The following SPINT1 variants were observed in gnomAD, a reference collection of about 807,000 sequenced individuals.
The protein encoded by SPINT1 is kunitz-type protease inhibitor 1.
A neutral mutation model predicts 53.7 loss-of-function variants in SPINT1; 38 were observed. That is an observed-to-expected ratio of 0.71 (90% CI 0.55 to 0.93). The LOEUF (loss-of-function observed/expected upper bound fraction) is 0.93. Among genes scored for constraint, SPINT1 ranks in the 40% least tolerant of loss-of-function variants. The pLI, the probability that SPINT1 is intolerant of heterozygous loss-of-function variation, is 0.00. For synonymous variants in SPINT1, 283 were observed against 280.6 expected, an observed-to-expected ratio of 1.01 and a Z score of -0.08; for missense variants, 645 against 692.9, an observed-to-expected ratio of 0.93 and a Z score of 0.78.
intron 3 of SPINT1, 29 bp from the exon 4 acceptor site, chr15:40,853,460 C>T (rs749322836): frequency 6.2e-7 from 1 of 1,613,972 alleles, no homozygotes; most frequent in Non-Finnish European, 8.5e-7. Flanking sequence ...CAGGGGGTGC[C>T]CAAGCCTGAT....
chr15:40,854,558 A>T, intron 7 of SPINT1, 36 bp downstream of exon 7: 2 of 1,613,648 alleles, frequency 1.2e-6, no homozygotes, highest in Non-Finnish European at 1.7e-6. Flanking sequence ...TGGGCAGCAG[A>T]CAGGGAGGTC....
intron 10 of SPINT1, among the ~76,000 whole-genome samples, chr15:40,856,540 C>T (rs1891647204): frequency 1.3e-5 from 2 of 152,134 alleles, no homozygotes; most frequent in African/African-American, 4.8e-5. Context: ...CAGGCTTCCC[C>T]CAAGTTAACT....
chr15:40,856,118 T>A, intron 9 of SPINT1, 56 bp downstream of exon 9: 1 of 1,603,620 alleles, frequency 6.2e-7, no homozygotes, highest in Non-Finnish European at 8.5e-7. Context: ...GCCAGTGGCC[T>A]CCACTCTGTC....
chr15:40,855,833 G>A, intron 8 of SPINT1, 59 bp from the exon 9 acceptor site: 1 of 1,559,868 alleles, frequency 6.4e-7, no homozygotes, highest in African/African-American at 1.3e-5. Context: ...GTGGAGCCTA[G>A]CAGAAGGTGG....
chr15:40,846,254 G>T (rs983370696), intron 2 of SPINT1, among the ~76,000 whole-genome samples: 9 of 152,214 alleles, frequency 5.9e-5, no homozygotes, highest in Admixed American at 3.9e-4. Flanking sequence ...ATCAGGGCCA[G>T]TCCAGAGCCT....
rs113483685 is a variant in SPINT1 at position 40,856,779 on chromosome 15, A to C, written c.1346A>C (p.Glu449Ala). 6.2e-7 allele frequency: 1 copy of C among 1,614,110 alleles called. No individual in the cohort carries two copies. Among genetic ancestry groups the C allele is most frequent in the African/African-American group, 1.3e-5 (1 of 75,014 alleles). Residue 449 changes from glutamate (E) to alanine (A), a missense_variant, in exon 11 of 11, where the codon GAG (glutamate) becomes GCG (alanine). By Grantham distance (107) the Glu-to-Ala change is moderately radical. Coordinates refer to ENST00000562057, the MANE Select transcript of SPINT1 (RefSeq NM_003710.4). ...EIPIPSTGSV[E>A]MAVAVFLVIC... Reference sequence around the variant, plus strand: ...CCCCTTCTTCCCCCAGGCTCTGTGGAGATGGCTGTCGCAGTGTTCCTGGTC... The same window carrying C: ...CCCCTTCTTCCCCCAGGCTCTGTGGCGATGGCTGTCGCAGTGTTCCTGGTC...
chr15:40,845,807 G>A (rs1267189073), intron 2 of SPINT1, among the ~76,000 whole-genome samples: 1 of 152,210 alleles, frequency 6.6e-6, no homozygotes, highest in Admixed American at 6.5e-5. Flanking sequence ...ACTGGTCTGG[G>A]CACACCGATG....
Position 40,853,862 on chromosome 15 carries a change from A to G in SPINT1, c.894A>G (p.Leu298=), listed in dbSNP as rs1039783020. 1 of 1,614,066 alleles carries G rather than the reference A, an allele frequency of 6.2e-7. No individual in the cohort carries two copies. The highest frequency in any genetic ancestry group is 1.3e-5 in the African/African-American group (1 of 74,924). Reference sequence around the variant, plus strand: ...ACCTTCGGGAAGAAGAGTGCATTCTAGCCTGTCGGGGTGTGCAAGGTGGGC... The same window carrying G: ...ACCTTCGGGAAGAAGAGTGCATTCTGGCCTGTCGGGGTGTGCAAGGTGGGC... The part of the protein sequence containing the change: ...NNYLREEECI[L]ACRGVQGPSM... Residue 298 remains leucine (L), a synonymous_variant, in exon 5 of 11, where the codon CTA becomes CTG. Transcript: ENST00000562057.
In SPINT1 at chr15:40,853,803, G is replaced by C. The variant is rs151160609; in HGVS notation, c.835G>C (p.Val279Leu). Reference sequence around the variant, plus strand: ...CACGGAGCAGATCTGCAAGAGTTTCGTTTATGGAGGCTGCTTGGGCAACAA... The same window carrying C: ...CACGGAGCAGATCTGCAAGAGTTTCCTTTATGGAGGCTGCTTGGGCAACAA... ...DPTEQICKSF[V>L]YGGCLGNKNN... is the part of the protein sequence containing the mutation. The change falls in exon 5 of 11, where the codon GTT (valine) becomes CTT (leucine). Residue 279 changes from valine to leucine, a missense_variant. Physicochemically the swap from Val to Leu is conservative, Grantham distance 32 (BLOSUM62 1). Coordinates refer to ENST00000562057, the MANE Select transcript of SPINT1 (RefSeq NM_003710.4). The C allele has an allele frequency of 1.2e-6, 2 of 1,614,214 alleles. No individual in the cohort carries two copies. Among genetic ancestry groups the C allele is most frequent in the Non-Finnish European group, 8.5e-7 (1 of 1,180,042 alleles).
At chr15:40,854,263 T>G in intron 6 of SPINT1, 134 bp from the exon 7 acceptor site, 1 of 1,421,288 alleles carries the variant, frequency 7.0e-7, no homozygotes, top group South Asian at 1.4e-5. Flanking sequence ...TCTGCCCAGT[T>G]TGCGTGGGGC....
At chr15:40,852,627 C>CTGTGTGTGTGTGTGTGTG (rs3033553) in intron 2 of SPINT1, among the ~76,000 whole-genome samples, 4 of 143,398 alleles carry the variant, frequency 2.8e-5, no homozygotes, top group African/African-American at 1.0e-4. Context: ...AAGTAAGTGT[C>CTGTGTGTGTGTGTGTGTG]TGTGTGTGTG....
At position 40,844,496 on chromosome 15, in the gene SPINT1, A is replaced by T; in HGVS notation, c.-59A>T. The T allele has an allele frequency of 6.5e-7, 1 of 1,531,930 alleles. No homozygotes were observed. Among genetic ancestry groups the T allele is most frequent in the East Asian group, 2.3e-5 (1 of 44,296 alleles). 94.9% of individuals were successfully genotyped at this position (1,531,930 alleles called of 1,614,324 possible). ...TCCCCTCCCTTCTTCTCAGGTCACCAGCACCCTCGGAACCCAGAGGCCCGC... is the reference window on the plus strand; with the variant it reads ...TCCCCTCCCTTCTTCTCAGGTCACCTGCACCCTCGGAACCCAGAGGCCCGC... On this transcript the variant is annotated 5_prime_UTR_variant, in exon 2 of 11. Coordinates refer to ENST00000562057, the MANE Select transcript of SPINT1 (RefSeq NM_003710.4). The surrounding 1 kb of genome is among the most constrained non-coding windows in gnomAD (Gnocchi z 5.8).
At chr15:40,852,864 C>T (rs1891502257) in intron 2 of SPINT1, among the ~76,000 whole-genome samples, 1 of 150,790 alleles carries the variant, frequency 6.6e-6, no homozygotes, top group South Asian at 2.1e-4. Context: ...TAGCAAGACC[C>T]CATCTCTAAT....
At chr15:40,851,554 C>A (rs550731694) in intron 2 of SPINT1, among the ~76,000 whole-genome samples, 140 of 152,026 alleles carry the variant, frequency 9.2e-4, no homozygotes, top group Non-Finnish European at 1.5e-3. Flanking sequence ...GAAAGCCTTG[C>A]CTTATCCCCC....
chr15:40,856,659 T>G (rs1891651011), intron 10 of SPINT1, 111 bp from the exon 11 acceptor site: 1 of 1,549,602 alleles, frequency 6.5e-7, no homozygotes, highest in Admixed American at 1.9e-5. Flanking sequence ...CGGGTGCCCA[T>G]GTCCTTCCAT....
chr15:40,853,469 A>T lies in SPINT1; in HGVS notation c.604-20A>T. On this transcript the variant is annotated intron_variant, in intron 3 of 10. Coordinates refer to ENST00000562057, the MANE Select transcript of SPINT1 (RefSeq NM_003710.4). ...GGGCATCAGGGGGTGCCCAAGCCTG[A>T]TAGCCACTCCTGTGTGCAGAGGAAA... 6.2e-7 allele frequency: 1 copy of T among 1,614,056 alleles called. No homozygotes were observed. Among genetic ancestry groups the T allele is most frequent in the Non-Finnish European group, 8.5e-7 (1 of 1,179,982 alleles).
At chr15:40,852,200 G>A (rs1891477618) in intron 2 of SPINT1, among the ~76,000 whole-genome samples, 1 of 152,168 alleles carries the variant, frequency 6.6e-6, no homozygotes, top group Admixed American at 6.5e-5. Flanking sequence ...CATCACTCTA[G>A]TCTCTGCCTC....
Position 40,844,752 on chromosome 15 carries a change from C to G in SPINT1, c.198C>G (p.Asn66Lys). 6.2e-7 allele frequency: 1 copy of G among 1,611,024 alleles called. No individual in the cohort carries two copies. The highest frequency in any genetic ancestry group is 8.5e-7 in the Non-Finnish European group (1 of 1,178,280). ...TGCCTGGCTTCGTGCTGGACACCAA[C>G]GCCTCGGTCAGCAACGGAGCTACCT... is the stretch of plus-strand genomic sequence containing the variant. ...AGVPGFVLDT[N>K]ASVSNGATFL... The change falls in exon 2 of 11, where the codon AAC becomes AAG. Residue 66 changes from asparagine to lysine, a missense_variant. Physicochemically the swap from Asn to Lys is moderately conservative, Grantham distance 94 (BLOSUM62 0). Transcript: ENST00000562057. This position sits in a 1 kb window ranked among gnomAD's most constrained non-coding sequence, Gnocchi z 5.8.
rs760684271 is a variant in SPINT1 at position 40,844,945 on chromosome 15, T to A, written c.391T>A (p.Phe131Ile). The change falls in exon 2 of 11, where the codon TTC becomes ATC. Residue 131 changes from phenylalanine to isoleucine, a missense_variant. Coordinates refer to ENST00000562057, the MANE Select transcript of SPINT1 (RefSeq NM_003710.4). This position sits in a 1 kb window ranked among gnomAD's most constrained non-coding sequence, Gnocchi z 5.8. ...CTACGAGCAGAACTTCGTGTGCAAGTTCGCGCCCAGGGAGGGCTTCATCAA... is the reference window on the plus strand; with the variant it reads ...CTACGAGCAGAACTTCGTGTGCAAGATCGCGCCCAGGGAGGGCTTCATCAA... Reference protein sequence around the residue: ...CLYEQNFVCKFAPREGFINYL... With the variant: ...CLYEQNFVCKIAPREGFINYL... The A allele has an allele frequency of 1.2e-6, 2 of 1,613,856 alleles. No individual in the cohort carries two copies. Among genetic ancestry groups the A allele is most frequent in the East Asian group, 4.5e-5 (2 of 44,884 alleles).
Sources: allele counts gnomAD v4.1 joint callset (sites outside exome capture counted in the v4.1 genomes callset), GRCh38; gene constraint gnomAD v4.1.1; non-coding constraint Gnocchi (gnomAD v3.1); transcripts MANE v1.5; gene names NCBI Gene and HGNC (gene_info 2026-07-23, HGNC 2026-07-21).